The following PROS1 variants were observed in gnomAD, a reference collection of about 807,000 sequenced individuals.
The protein encoded by PROS1 is protein S.
A neutral mutation model predicts 75.9 loss-of-function variants in PROS1; 29 were observed. That is an observed-to-expected ratio of 0.38 (90% CI 0.28 to 0.52). The LOEUF is 0.52. Among genes scored for constraint, PROS1 ranks in the 20% least tolerant of loss-of-function variants. PROS1 has a pLI of 0.83. For missense variants in PROS1, 680 were observed against 810.3 expected (o/e 0.84, Z 1.95); for synonymous variants, 245 against 280.6 (o/e 0.87, Z 1.27).
chr3:93,927,510 T>C, intron 1 of PROS1, 103 bp from the exon 2 acceptor site: 1 of 1,288,172 alleles, frequency 7.8e-7, no homozygotes, highest in South Asian at 1.4e-5. Flanking sequence ...CTATGAATTG[T>C]ATGACATTTA....
chr3:93,918,463 T>C (rs1708893696), intron 3 of PROS1, among the ~76,000 whole-genome samples: 1 of 152,012 alleles, frequency 6.6e-6, no homozygotes, highest in Non-Finnish European at 1.5e-5. Context: ...CACACTGCCT[T>C]TATGAGCTGT....
chr3:93,881,545 T>C (rs1385547373), intron 12 of PROS1, among the ~76,000 whole-genome samples: 3 of 147,530 alleles, frequency 2.0e-5, no homozygotes, highest in Non-Finnish European at 4.4e-5. Context: ...TGTATTTTAA[T>C]GTAGTAAGCA....
At chr3:93,973,627 A>C in intron 1 of PROS1, 47 bp downstream of exon 1, 7 of 1,565,448 alleles carry the variant, frequency 4.5e-6, no homozygotes, top group African/African-American at 1.4e-5. Context: ...CACGCAGTTC[A>C]GTCGACAATG....
intron 1 of PROS1, among the ~76,000 whole-genome samples, chr3:93,944,064 G>A (rs1410627227): frequency 6.6e-6 from 1 of 152,154 alleles, no homozygotes; most frequent in Non-Finnish European, 1.5e-5. Flanking sequence ...ACACAGATGA[G>A]TGTGACAGTA....
chr3:93,939,481 C>G (rs1709245580), intron 1 of PROS1, among the ~76,000 whole-genome samples: 1 of 152,134 alleles, frequency 6.6e-6, no homozygotes, highest in Non-Finnish European at 1.5e-5. Flanking sequence ...CCAATTCTTC[C>G]TCGGCCTCCA....
chr3:93,920,753 A>C (rs531168785), intron 3 of PROS1, among the ~76,000 whole-genome samples: 11 of 152,086 alleles, frequency 7.2e-5, no homozygotes, highest in Middle Eastern at 3.4e-3. Flanking sequence ...TTTACTGCAG[A>C]TTTTGTTCAC....
intron 14 of PROS1, among the ~76,000 whole-genome samples, chr3:93,876,566 G>A: frequency 7.8e-6 from 1 of 128,932 alleles, no homozygotes; most frequent in Non-Finnish European, 1.6e-5. Flanking sequence ...TCCAGCCTGG[G>A]CGACAGAGCC....
In PROS1 at chr3:93,884,607, T is replaced by C. The variant is rs556134426; in HGVS notation, c.1492+121A>G. ...AGGTATATAATAGTATGAATAAGCA[T>C]AAGACTAGAGTGGGCACACAGTAGA... On this transcript the variant is annotated intron_variant, in intron 12 of 14. Transcript: ENST00000394236. 8 of 1,154,270 alleles carry C rather than the reference T, an allele frequency of 6.9e-6. No homozygotes were observed. In the African/African-American group the frequency reaches 9.4e-5, roughly 14 times the overall value. 71.5% of individuals were successfully genotyped at this position (1,154,270 alleles called of 1,614,324 possible). A position where few individuals can be genotyped will look rare whatever the true frequency, so the allele number is the denominator to read the frequency against.
chr3:93,959,690 C>A (rs980006814), intron 1 of PROS1, among the ~76,000 whole-genome samples: 17 of 152,132 alleles, frequency 1.1e-4, no homozygotes, highest in Non-Finnish European at 1.6e-4. Context: ...TAGTTAAGTC[C>A]CCAGGTAAAC....
intron 1 of PROS1, among the ~76,000 whole-genome samples, chr3:93,957,512 G>A (rs1709622870): frequency 6.6e-6 from 1 of 152,126 alleles, no homozygotes; most frequent in Non-Finnish European, 1.5e-5. Flanking sequence ...TAAATTCCAA[G>A]GTTAATAATG....
intron 1 of PROS1, among the ~76,000 whole-genome samples, chr3:93,945,074 G>T (rs998327607): frequency 6.6e-6 from 1 of 152,050 alleles, no homozygotes; most frequent in African/African-American, 2.4e-5. Flanking sequence ...TAGAAGAAAT[G>T]GATAAATTCT....
intron 10 of PROS1, among the ~76,000 whole-genome samples, chr3:93,888,707 C>A (rs1159835374): frequency 6.6e-6 from 1 of 152,156 alleles, no homozygotes; most frequent in Non-Finnish European, 1.5e-5. Context: ...GCACACCAGT[C>A]AAACTGTCAT....
At chr3:93,933,736 C>A (rs963882361) in intron 1 of PROS1, among the ~76,000 whole-genome samples, 118 of 152,198 alleles carry the variant, frequency 7.8e-4, no homozygotes, top group African/African-American at 2.3e-3. Flanking sequence ...CTAGCCTGGC[C>A]AACATGGTGA....
chr3:93,973,705 G>A lies in PROS1; in HGVS notation c.45C>T (p.Leu15=), dbSNP rs1351259334. The change falls in exon 1 of 15, where the codon CTC becomes CTT. Residue 15 remains leucine (L), a synonymous_variant. Transcript: ENST00000394236. ...CCTCTGAGACGGGAAGCACTAGGAG[G>A]AGACACGCCAGCAGCGCCCCGCAGC... ...GGRCGALLAC[L]LLVLPVSEAN... is the part of the protein sequence containing the mutation. The A allele has an allele frequency of 6.2e-7, 1 of 1,614,032 alleles. No homozygotes were observed. The highest frequency in any genetic ancestry group is 8.5e-7 in the Non-Finnish European group (1 of 1,179,934).
chr3:93,969,780 C>T (rs1709847205), intron 1 of PROS1, among the ~76,000 whole-genome samples: 1 of 152,026 alleles, frequency 6.6e-6, no homozygotes, highest in Admixed American at 6.6e-5. Flanking sequence ...TTTTTCTTTT[C>T]CTTTTTTCTT....
At chr3:93,877,676 C>T (rs1255742588) in intron 13 of PROS1, among the ~76,000 whole-genome samples, 1 of 152,116 alleles carries the variant, frequency 6.6e-6, no homozygotes, top group Non-Finnish European at 1.5e-5. Flanking sequence ...AATGAAGAGG[C>T]CCTGAGAAAG....
chr3:93,955,425 A>T (rs1253933791), intron 1 of PROS1, among the ~76,000 whole-genome samples: 4 of 152,240 alleles, frequency 2.6e-5, no homozygotes, highest in Non-Finnish European at 5.9e-5. Flanking sequence ...TATCCTTTGC[A>T]GGGACATGGA....
At chr3:93,954,306 T>C (rs1709561525) in intron 1 of PROS1, among the ~76,000 whole-genome samples, 1 of 152,110 alleles carries the variant, frequency 6.6e-6, no homozygotes, top group Non-Finnish European at 1.5e-5. Context: ...GGAGGCATCT[T>C]GCTACCTCAC....
intron 1 of PROS1, among the ~76,000 whole-genome samples, chr3:93,971,012 A>C (rs1426856537): frequency 6.6e-6 from 1 of 151,874 alleles, no homozygotes; most frequent in Non-Finnish European, 1.5e-5. Flanking sequence ...TCACAAAAAT[A>C]TTTTTTTAAT....
Sources: gnomAD v4.1 joint callset for allele counts (sites outside exome capture counted in the v4.1 genomes callset) on GRCh38, gnomAD v4.1.1 for gene constraint, MANE v1.5 for transcripts, NCBI Gene and HGNC (gene_info 2026-07-23, HGNC 2026-07-21) for gene names.